Variants in COLEC10 observed in about 807,000 individuals in gnomAD.
The protein encoded by COLEC10 is collectin subfamily member 10.
COLEC10 carries 22 observed loss-of-function variants against 28.4 expected under a neutral mutation model. The observed-to-expected ratio is 0.78, with a 90% CI of 0.55 to 1.11. COLEC10 has a LOEUF of 1.11. Among genes scored for constraint, COLEC10 ranks in the 50% least tolerant of loss-of-function variants. The pLI, the probability that COLEC10 is intolerant of heterozygous loss-of-function variation, is 0.00. For missense variants in COLEC10, 361 were observed against 344.1 expected, an observed-to-expected ratio of 1.05 and a Z score of -0.39; for synonymous variants, 125 against 116.1, an observed-to-expected ratio of 1.08 and a Z score of -0.49.
At chr8:118,971,155 T>C in the COLEC10 span, among the ~76,000 whole-genome samples, 3 of 151,952 alleles carry the variant, frequency 2.0e-5, no homozygotes, top group Admixed American at 6.6e-5. Flanking sequence ...TATTTTAATC[T>C]TGATAGGGTT....
intron 2 of COLEC10, among the ~76,000 whole-genome samples, chr8:119,023,235 T>A (rs1206803525): frequency 6.6e-6 from 1 of 152,176 alleles, no homozygotes; most frequent in Admixed American, 6.6e-5. Flanking sequence ...AATTTACTTA[T>A]TTATTATATT....
intron 1 of COLEC10, among the ~76,000 whole-genome samples, chr8:119,005,383 T>C (rs1384475515): frequency 6.6e-6 from 1 of 152,100 alleles, no homozygotes; most frequent in African/African-American, 2.4e-5. Context: ...AATGCCTCAG[T>C]TTGTCCTCAA....
At chr8:118,981,981 A>T in the COLEC10 span, among the ~76,000 whole-genome samples, 4 of 148,348 alleles carry the variant, frequency 2.7e-5, no homozygotes, top group African/African-American at 1.0e-4. Context: ...TGACTCTGCC[A>T]TGGCATCACC....
intron 2 of COLEC10, 35 bp from the exon 3 acceptor site, chr8:119,091,114 C>A: frequency 1.3e-6 from 2 of 1,549,622 alleles, no homozygotes; most frequent in Non-Finnish European, 1.8e-6. Context: ...GAAGATAAAA[C>A]CTTATGATAA....
chr8:119,049,199 G>A (rs1266486415), intron 2 of COLEC10, among the ~76,000 whole-genome samples: 2 of 151,992 alleles, frequency 1.3e-5, no homozygotes, highest in Non-Finnish European at 2.9e-5. Context: ...CTACTGAGAG[G>A]TCTGCTGCTA....
At chr8:119,029,931 T>C (rs12056345) in intron 2 of COLEC10, among the ~76,000 whole-genome samples, 6,691 of 152,290 alleles carry the variant, frequency 0.044, 216 homozygotes, top group East Asian at 0.16. Flanking sequence ...TGTTATTATG[T>C]CTCAAGAAAT....
chr8:119,039,745 A>G lies in COLEC10; in HGVS notation n.235+30192A>G, dbSNP rs148224504. Among the ~76,000 whole-genome samples, 380 of 152,254 alleles carry G rather than the reference A, an allele frequency of 2.5e-3. 2 individuals carry two copies. The highest frequency in any genetic ancestry group is 8.8e-3 in the African/African-American group (367 of 41,556). ...CTTGTCTGGTTTCTAGAAGGCTTGC[A>G]TGTCCGTTTCTTCATCTTCAAAGTC... On this transcript the variant is annotated intron_variant and non_coding_transcript_variant, in intron 2 of 6. Coordinates refer to the COLEC10 transcript ENST00000521788.
chr8:118,964,532 A>G, the COLEC10 span, among the ~76,000 whole-genome samples: 6 of 152,198 alleles, frequency 3.9e-5, no homozygotes. Flanking sequence ...CCACTTTAAC[A>G]AAGAGTTTTG....
the COLEC10 span, among the ~76,000 whole-genome samples, chr8:118,967,851 T>C: frequency 1.1e-4 from 16 of 152,032 alleles, no homozygotes; most frequent in South Asian, 2.1e-4. Flanking sequence ...CAGTCCCCTT[T>C]AATGGCATTA....
chr8:119,030,090 C>A (rs1814261125), intron 2 of COLEC10, among the ~76,000 whole-genome samples: 1 of 152,188 alleles, frequency 6.6e-6, no homozygotes, highest in East Asian at 1.9e-4. Context: ...ACATATCTCC[C>A]TCTTTGTTAC....
Position 119,107,551 on chromosome 8 carries a change from C to T in COLEC10, c.*1360C>T, listed in dbSNP as rs1431188679. Among the ~76,000 whole-genome samples the T allele has an allele frequency of 2.0e-5, 3 of 152,166 alleles. No individual in the cohort carries two copies. Among genetic ancestry groups the T allele is most frequent in the Non-Finnish European group, 4.4e-5 (3 of 68,030 alleles). The stretch of plus-strand genomic sequence containing the variant: ...AAACAGATCAACAACATATGTTCAC[C>T]TTAAACCATCTGTTCATGATTTCAC... On this transcript the variant is annotated 3_prime_UTR_variant, in exon 6 of 6. Coordinates refer to ENST00000332843, the MANE Select transcript of COLEC10 (RefSeq NM_006438.5).
At chr8:118,984,740 G>C in the COLEC10 span, among the ~76,000 whole-genome samples, 1 of 152,048 alleles carries the variant, frequency 6.6e-6, no homozygotes, top group Non-Finnish European at 1.5e-5. Flanking sequence ...ATATTAGTTT[G>C]TTTTCATGCT....
intron 1 of COLEC10, among the ~76,000 whole-genome samples, chr8:118,996,874 G>A (rs1156804748): frequency 6.6e-6 from 1 of 152,148 alleles, no homozygotes; most frequent in Non-Finnish European, 1.5e-5. Context: ...AAGAGAAAGA[G>A]TAAGGATTGG....
upstream of COLEC10, among the ~76,000 whole-genome samples, chr8:119,066,863 C>T (rs1424875097): frequency 6.6e-6 from 1 of 152,148 alleles, no homozygotes; most frequent in Non-Finnish European, 1.5e-5. Context: ...AAGCTCAAAG[C>T]CATGCACGGT....
chr8:119,013,964 A>G (rs922160942), intron 2 of COLEC10, among the ~76,000 whole-genome samples: 1 of 150,750 alleles, frequency 6.6e-6, no homozygotes, highest in African/African-American at 2.5e-5. Context: ...ATAACAAAAT[A>G]GTTCTAATTT....
At chr8:119,048,299 C>T (rs1372150145) in intron 2 of COLEC10, among the ~76,000 whole-genome samples, 1 of 152,184 alleles carries the variant, frequency 6.6e-6, no homozygotes, top group Non-Finnish European at 1.5e-5. Context: ...CAGCTCCATC[C>T]ATGTTGCCGC....
chr8:119,003,308 T>C (rs1338146294), intron 1 of COLEC10, among the ~76,000 whole-genome samples: 3 of 152,130 alleles, frequency 2.0e-5, no homozygotes, highest in Non-Finnish European at 2.9e-5. Context: ...ATGGAAATCG[T>C]CTGCAAAATG....
intron 2 of COLEC10, among the ~76,000 whole-genome samples, chr8:119,015,497 C>T (rs564575705): frequency 6.9e-6 from 1 of 144,610 alleles, no homozygotes; most frequent in African/African-American, 2.9e-5. Flanking sequence ...AGTTTCTTTT[C>T]CCCTCCCTGT....
chr8:118,997,063 A>G (rs1813602071), intron 1 of COLEC10, among the ~76,000 whole-genome samples: 2 of 152,204 alleles, frequency 1.3e-5, no homozygotes, highest in African/African-American at 4.8e-5. Context: ...TTTGAAGAAG[A>G]CACACATCCA....
Sources: allele counts gnomAD v4.1 joint callset (sites outside exome capture counted in the v4.1 genomes callset), GRCh38; gene constraint gnomAD v4.1.1; transcripts MANE v1.5; gene names NCBI Gene and HGNC (gene_info 2026-07-23, HGNC 2026-07-21).